L3HYPDH: variants seen among roughly 807,000 people sequenced by gnomAD.
The protein encoded by L3HYPDH is trans-3-hydroxy-L-proline dehydratase.
In L3HYPDH, 32 loss-of-function variants were observed where a neutral mutation model predicts 26.5. The observed-to-expected ratio is 1.21, with a 90% CI of 0.91 to 1.62. The LOEUF (loss-of-function observed/expected upper bound fraction) is 1.62, where lower values mean the gene tolerates loss of function less well. Among genes scored for constraint, L3HYPDH ranks in the 40% most tolerant of loss-of-function variants. The pLI, the probability that L3HYPDH is intolerant of heterozygous loss-of-function variation, is 0.00. For synonymous variants in L3HYPDH, 215 were observed against 196.6 expected (o/e 1.09, Z -0.78); for missense variants, 554 against 476.4 (o/e 1.16, Z -1.52).
intron 2 of L3HYPDH, 57 bp downstream of exon 2, chr14:59,479,125 A>T: frequency 1.6e-6 from 2 of 1,235,888 alleles, no homozygotes; most frequent in Non-Finnish European, 2.3e-6. Context: ...ATAATAATGT[A>T]TATTTCCTCC....
chr14:59,475,363 TTCA>T (rs1302300260), intron 4 of L3HYPDH, among the ~76,000 whole-genome samples: 1 of 152,214 alleles, frequency 6.6e-6, no homozygotes, highest in East Asian at 1.9e-4. Flanking sequence ...TGTTCATTAC[TTCA>T]TTTTAAAAAT....
At chr14:59,501,214 T>C in the L3HYPDH span, 1 of 1,601,780 alleles carries the variant, frequency 6.2e-7, no homozygotes, top group East Asian at 2.2e-5. Flanking sequence ...ATACATTATA[T>C]TAGTGTTATC....
the L3HYPDH span, among the ~76,000 whole-genome samples, chr14:59,496,779 C>G: frequency 6.6e-6 from 1 of 152,124 alleles, no homozygotes; most frequent in Non-Finnish European, 1.5e-5. Flanking sequence ...GTTTTTCTTC[C>G]TCAGCACCCT....
Position 59,472,749 on chromosome 14 carries a change from T to C in L3HYPDH, c.*216A>G, listed in dbSNP as rs764044975. ...AATCACTAGAAAAAGACTCTGAATTTCTGGCATTTTGTATGCTAGACATAA... is the reference window on the plus strand; with the variant it reads ...AATCACTAGAAAAAGACTCTGAATTCCTGGCATTTTGTATGCTAGACATAA... On this transcript the variant is annotated 3_prime_UTR_variant, in exon 5 of 5. Transcript: ENST00000247194. 5.7e-4 allele frequency: 218 copies of C among 385,164 alleles called. No homozygotes were observed. Among genetic ancestry groups the C allele is most frequent in the Non-Finnish European group, 7.8e-4 (171 of 220,240 alleles). 23.9% of individuals were successfully genotyped at this position (385,164 alleles called of 1,614,324 possible). A position where few individuals can be genotyped will look rare whatever the true frequency, so the allele number is the denominator to read the frequency against.
At chr14:59,473,740 T>C (rs898930976) in intron 4 of L3HYPDH, among the ~76,000 whole-genome samples, 4 of 152,142 alleles carry the variant, frequency 2.6e-5, no homozygotes, top group African/African-American at 9.7e-5. Context: ...CATCAGTAGA[T>C]GGTTGAGAAC....
At chr14:59,483,539 G>C in intron 1 of L3HYPDH, 1 of 1,395,342 alleles carries the variant, frequency 7.2e-7, no homozygotes. Flanking sequence ...CCAGTGCAGA[G>C]GGAGGCGCTG....
chr14:59,480,251 TC>T (rs1889922617), intron 1 of L3HYPDH, among the ~76,000 whole-genome samples: 1 of 152,186 alleles, frequency 6.6e-6, no homozygotes, highest in South Asian at 2.1e-4. Flanking sequence ...AAATTTTTTC[TC>T]CCTTGAGAAG....
At chr14:59,497,847 G>C in the L3HYPDH span, among the ~76,000 whole-genome samples, 2 of 152,112 alleles carry the variant, frequency 1.3e-5, no homozygotes, top group Non-Finnish European at 2.9e-5. Flanking sequence ...GGAAGCATGT[G>C]GTCCGTGATC....
chr14:59,501,594 C>A, the L3HYPDH span, among the ~76,000 whole-genome samples: 1 of 152,030 alleles, frequency 6.6e-6, no homozygotes, highest in Non-Finnish European at 1.5e-5. Flanking sequence ...TGAGAAAAAC[C>A]ATAAAAATGT....
chr14:59,469,785 A>G (rs1230401989), downstream of L3HYPDH, among the ~76,000 whole-genome samples: 2 of 152,078 alleles, frequency 1.3e-5, no homozygotes, highest in East Asian at 3.9e-4. Context: ...GGGGAAAATG[A>G]TCTTGGTTGT....
rs1199267260 is a variant in L3HYPDH, at chr14:59,484,084, G to T, written c.233C>A (p.Ala78Glu). ...CGGCAGCTCGCTCGGGACTAGGACC[G>T]CCCCGTACATGTCCCGGTGCCCTCG... ...EPRGHRDMYG[A>E]VLVPSELPDA... The change falls in exon 1 of 5, where the codon GCG (alanine) becomes GAG (glutamate). Residue 78 changes from alanine to glutamate, a missense_variant. Coordinates refer to ENST00000247194, the MANE Select transcript of L3HYPDH (RefSeq NM_144581.2). 1.9e-6 allele frequency: 3 copies of T among 1,606,534 alleles called. No homozygotes were observed. Among genetic ancestry groups the T allele is most frequent in the African/African-American group, 2.7e-5 (2 of 74,912 alleles).
chr14:59,487,922 TA>T (rs1890703307), upstream of L3HYPDH: 1 of 1,141,310 alleles, frequency 8.8e-7, no homozygotes, highest in East Asian at 2.4e-5. Context: ...TCTTCTGTTT[TA>T]AAAGTGGTAA....
At chr14:59,488,767 C>T (rs894307207), upstream of L3HYPDH, among the ~76,000 whole-genome samples, 3 of 152,202 alleles carry the variant, frequency 2.0e-5, no homozygotes, top group Non-Finnish European at 2.9e-5. Flanking sequence ...TTCCTGCAAA[C>T]TCTTTCTGCT....
rs1889598882 is a variant in L3HYPDH at position 59,476,018 on chromosome 14, T to C, written c.802-12A>G. The C allele has an allele frequency of 1.2e-6, 2 of 1,613,776 alleles. No individual in the cohort carries two copies. Among genetic ancestry groups the C allele is most frequent in the Non-Finnish European group, 1.7e-6 (2 of 1,179,868 alleles). Reference sequence around the variant, plus strand: ...GGACTTCTGTCAACCTGTTTCAGAATAAATGAAGACAGAATGTTCATAGTG... The same window carrying C: ...GGACTTCTGTCAACCTGTTTCAGAACAAATGAAGACAGAATGTTCATAGTG... On this transcript the variant is annotated splice_polypyrimidine_tract_variant and intron_variant, in intron 3 of 4. Coordinates refer to ENST00000247194, the MANE Select transcript of L3HYPDH (RefSeq NM_144581.2).
intron 4 of L3HYPDH, 119 bp from the exon 5 acceptor site, chr14:59,473,209 C>G: frequency 1.1e-6 from 1 of 878,936 alleles, no homozygotes; most frequent in Admixed American, 3.1e-5. Context: ...ATCCTATGGG[C>G]CAGGGAAGGT....
the L3HYPDH span, among the ~76,000 whole-genome samples, chr14:59,503,432 G>C: frequency 6.6e-6 from 1 of 152,198 alleles, no homozygotes; most frequent in Non-Finnish European, 1.5e-5. Flanking sequence ...AGGAATGTTA[G>C]AGGTTAAGGA....
At chr14:59,504,803 T>G in the L3HYPDH span, 1 of 153,534 alleles carries the variant, frequency 6.5e-6, no homozygotes, top group African/African-American at 2.4e-5. Flanking sequence ...CGGGTATATA[T>G]ACATACCATA....
rs1040388711 is a variant in L3HYPDH, at chr14:59,484,255, G to C, written c.62C>G (p.Ser21Trp). The C allele has an allele frequency of 1.9e-6, 3 of 1,597,788 alleles. No homozygotes were observed. The highest frequency in any genetic ancestry group is 2.5e-6 in the Non-Finnish European group (3 of 1,179,558). ...PPHDPGTPVL[S>W]VVDMHTGGEP... is the part of the protein sequence containing the mutation. Reference sequence around the variant, plus strand: ...GCCGCCCGTGTGCATGTCCACCACCGACAGCACCGGCGTCCCTGGATCATG... The same window carrying C: ...GCCGCCCGTGTGCATGTCCACCACCCACAGCACCGGCGTCCCTGGATCATG... The change falls in exon 1 of 5, where the codon TCG becomes TGG. Residue 21 changes from serine (S) to tryptophan (W), a missense_variant. By Grantham distance (177) the Ser-to-Trp change is radical. Coordinates refer to ENST00000247194, the MANE Select transcript of L3HYPDH (RefSeq NM_144581.2).
At chr14:59,498,046 G>A in the L3HYPDH span, among the ~76,000 whole-genome samples, 35 of 151,790 alleles carry the variant, frequency 2.3e-4, no homozygotes, top group Admixed American at 7.2e-4. Flanking sequence ...TTTTTTTTCT[G>A]ATTATAAAAA....
Sources: allele counts gnomAD v4.1 joint callset (sites outside exome capture counted in the v4.1 genomes callset), GRCh38; gene constraint gnomAD v4.1.1; transcripts MANE v1.5; gene names NCBI Gene and HGNC (gene_info 2026-07-23, HGNC 2026-07-21).